The following BMPR2 variants were observed in gnomAD, a reference collection of about 807,000 sequenced individuals.
BMPR2 encodes the protein bone morphogenetic protein receptor type 2, also known as bone morphogenetic protein receptor type-2.
A neutral mutation model predicts 100.8 loss-of-function variants in BMPR2; 29 were observed. The ratio of observed to expected loss-of-function variants is 0.29; its 90% CI spans 0.21 to 0.39. BMPR2 has a LOEUF of 0.39. Ranked by LOEUF, BMPR2 falls within the 10% of genes least tolerant of loss-of-function variation. BMPR2 has a pLI of 1.00. For synonymous variants in BMPR2, 382 were observed against 442.3 expected (o/e 0.86, Z 1.71); for missense variants, 1,011 against 1,274.5 (o/e 0.79, Z 3.15).
intron 1 of BMPR2, among the ~76,000 whole-genome samples, chr2:202,422,451 T>C (rs960884244): frequency 6.6e-6 from 1 of 150,686 alleles, no homozygotes; most frequent in African/African-American, 2.4e-5. Flanking sequence ...GGACTACAGG[T>C]GTCCGCCACC....
rs945537253 is a variant in BMPR2 at position 202,503,761 on chromosome 2, C to T, written c.419-9958C>T. 3.3e-5 allele frequency among the ~76,000 whole-genome samples: 5 copies of T among 152,216 alleles called. No homozygotes were observed. Among genetic ancestry groups the T allele is most frequent in the South Asian group, 2.1e-4 (1 of 4,836 alleles). ...CCAAGGGCTGAGGAGTGTGAGCGCA[C>T]GGTGTGGGACTGGCAGGCAGCTCCA... On this transcript the variant is annotated intron_variant, in intron 3 of 12. Transcript: ENST00000374580. The surrounding 1 kb of genome is among the most constrained non-coding windows in gnomAD (Gnocchi z 4.0).
At chr2:202,419,245 T>A (rs930200219) in intron 1 of BMPR2, among the ~76,000 whole-genome samples, 2 of 152,264 alleles carry the variant, frequency 1.3e-5, no homozygotes, top group Non-Finnish European at 2.9e-5. Context: ...TTTACTTTTT[T>A]ATTCAGCGAT....
chr2:202,550,617 G>C lies in BMPR2; in HGVS notation c.1414-2099G>C, dbSNP rs191740107. 7.9e-5 allele frequency among the ~76,000 whole-genome samples: 12 copies of C among 152,210 alleles called. No individual in the cohort carries two copies. In the South Asian group the frequency reaches 2.1e-3, roughly 26 times the overall value. ...TGCCTGTAATCCCAGCACTTTGGGA[G>C]ACCGAGGCAGAAGGAACATTTTGGC... On this transcript the variant is annotated intron_variant, in intron 10 of 12. Coordinates refer to ENST00000374580, the MANE Select transcript of BMPR2 (RefSeq NM_001204.7).
At chr2:202,467,382 T>C (rs1692345881) in intron 2 of BMPR2, 137 bp from the exon 3 acceptor site, 1 of 768,310 alleles carries the variant, frequency 1.3e-6, no homozygotes, top group South Asian at 1.7e-5. Context: ...TAAAAATATG[T>C]TTCCTGTTGA....
chr2:202,392,672 T>TA (rs1690573575), intron 1 of BMPR2, among the ~76,000 whole-genome samples: 1 of 152,100 alleles, frequency 6.6e-6, no homozygotes, highest in African/African-American at 2.4e-5. Flanking sequence ...GAGCTGTAGT[T>TA]GTTTGAGTTT....
chr2:202,518,250 G>A (rs1687753579), intron 5 of BMPR2, among the ~76,000 whole-genome samples: 1 of 147,974 alleles, frequency 6.8e-6, no homozygotes, highest in Non-Finnish European at 1.5e-5. Flanking sequence ...TGATTCTCCT[G>A]CCTCAGCCTC....
chr2:202,440,269 G>A (rs922588934), intron 1 of BMPR2, among the ~76,000 whole-genome samples: 48 of 143,266 alleles, frequency 3.4e-4, no homozygotes, highest in Admixed American at 2.6e-3. Flanking sequence ...CGGGCAGAGG[G>A]GCTCCTCACC....
At chr2:202,390,305 G>C (rs1690520587) in intron 1 of BMPR2, among the ~76,000 whole-genome samples, 1 of 151,012 alleles carries the variant, frequency 6.6e-6, no homozygotes, top group Admixed American at 6.6e-5. Flanking sequence ...TCTACCAGTA[G>C]TGTATGAGAA....
intron 1 of BMPR2, among the ~76,000 whole-genome samples, chr2:202,412,139 T>G (rs1691024970): frequency 6.6e-6 from 1 of 152,158 alleles, no homozygotes; most frequent in South Asian, 2.1e-4. Flanking sequence ...TAAAACATTT[T>G]CCAACTAAAA....
At chr2:202,463,189 A>C (rs1692254740) in intron 1 of BMPR2, among the ~76,000 whole-genome samples, 1 of 152,206 alleles carries the variant, frequency 6.6e-6, no homozygotes, top group African/African-American at 2.4e-5. Flanking sequence ...AACCAAGAAC[A>C]GTGGTTTCCT....
At chr2:202,414,586 T>G (rs530031591) in intron 1 of BMPR2, among the ~76,000 whole-genome samples, 1 of 152,286 alleles carries the variant, frequency 6.6e-6, no homozygotes, top group Admixed American at 6.5e-5. Context: ...TGAAGAAAAT[T>G]AAAAGTGTTA....
intron 1 of BMPR2, among the ~76,000 whole-genome samples, chr2:202,459,668 A>C (rs891025471): frequency 6.6e-6 from 1 of 152,224 alleles, no homozygotes; most frequent in Admixed American, 6.5e-5. Flanking sequence ...CAGCCTAGGC[A>C]ATACCATTCT....
At chr2:202,386,868 A>G (rs967135001) in intron 1 of BMPR2, among the ~76,000 whole-genome samples, 1 of 152,118 alleles carries the variant, frequency 6.6e-6, no homozygotes, top group African/African-American at 2.4e-5. Context: ...TATTTTTAGT[A>G]GAGACGGGAT....
intron 3 of BMPR2, among the ~76,000 whole-genome samples, chr2:202,487,087 G>C (rs1485659849): frequency 6.6e-6 from 1 of 152,130 alleles, no homozygotes; most frequent in Non-Finnish European, 1.5e-5. Context: ...CTGCCTAATA[G>C]AGCTTTTTAT....
intron 2 of BMPR2, among the ~76,000 whole-genome samples, chr2:202,465,334 GC>G (rs1265476161): frequency 6.6e-6 from 1 of 151,996 alleles, no homozygotes; most frequent in Non-Finnish European, 1.5e-5. Flanking sequence ...GTTGTAGTGA[GC>G]TGAGATGTCA....
intron 1 of BMPR2, among the ~76,000 whole-genome samples, chr2:202,460,733 CA>C (rs1275787841): frequency 6.9e-6 from 1 of 145,744 alleles, no homozygotes; most frequent in Non-Finnish European, 1.5e-5. Flanking sequence ...TCATCATTTC[CA>C]AAAAAAGACA....
chr2:202,531,539 A>G (rs1574494069), intron 8 of BMPR2, among the ~76,000 whole-genome samples: 1 of 152,230 alleles, frequency 6.6e-6, no homozygotes, highest in African/African-American at 2.4e-5. Flanking sequence ...TCACCATTAC[A>G]GTGTGGAACG....
In BMPR2 at chr2:202,563,961, G is replaced by A. The variant is rs1433057624; in HGVS notation, c.*4015G>A. The A allele has an allele frequency of 6.6e-6, 1 of 152,152 alleles. No individual in the cohort carries two copies. Among genetic ancestry groups the A allele is most frequent in the Non-Finnish European group, 1.5e-5 (1 of 68,028 alleles). 9.4% of individuals were successfully genotyped at this position (152,152 alleles called of 1,614,324 possible). ...CCACTTGTTCCAGAAAATGTGCATTGGTTCTGAATGTGAAAATATTTAAAG... is the reference window on the plus strand; with the variant it reads ...CCACTTGTTCCAGAAAATGTGCATTAGTTCTGAATGTGAAAATATTTAAAG... On this transcript the variant is annotated 3_prime_UTR_variant, in exon 13 of 13. Coordinates refer to ENST00000374580, the MANE Select transcript of BMPR2 (RefSeq NM_001204.7).
intron 1 of BMPR2, among the ~76,000 whole-genome samples, chr2:202,446,367 C>T (rs747551350): frequency 6.7e-5 from 10 of 149,706 alleles, no homozygotes; most frequent in Non-Finnish European, 1.5e-4. Context: ...CATTGCACTC[C>T]AGCTGGGGCA....
Sources: allele counts gnomAD v4.1 joint callset (sites outside exome capture counted in the v4.1 genomes callset), GRCh38; gene constraint gnomAD v4.1.1; non-coding constraint Gnocchi (gnomAD v3.1); transcripts MANE v1.5; gene names NCBI Gene and HGNC (gene_info 2026-07-23, HGNC 2026-07-21).